Variants in HEPH observed in about 807,000 individuals in gnomAD.
The protein encoded by HEPH is hephaestin.
Under a neutral mutation model 80.8 loss-of-function variants are expected in HEPH, and 69 were observed. That is an observed-to-expected ratio of 0.85 (90% confidence interval 0.70 to 1.04). The LOEUF (loss-of-function observed/expected upper bound fraction) is 1.04, where lower values mean the gene tolerates loss of function less well. HEPH is among the 50% of genes least tolerant of loss of function. The pLI is 0.00. For synonymous variants in HEPH, 431 were observed against 322.8 expected (o/e 1.34, Z -3.60); for missense variants, 1,115 against 891.3 (o/e 1.25, Z -3.20).
chrX:66,246,670 A>G (rs1276544761), intron 15 of HEPH, among the ~76,000 whole-genome samples: 1 of 110,938 alleles, frequency 9.0e-6, no homozygotes, highest in African/African-American at 3.3e-5. Flanking sequence ...ATCCCAGAAG[A>G]TTCTCACTTA....
At chrX:66,261,649 G>A (rs1602575837) in intron 19 of HEPH, among the ~76,000 whole-genome samples, 2 of 110,440 alleles carry the variant, frequency 1.8e-5, no homozygotes, top group African/African-American at 6.6e-5. Context: ...ATAGTGAAGG[G>A]GAAAATGTCT....
At chrX:66,206,992 G>A (rs2088814938) in intron 13 of HEPH, among the ~76,000 whole-genome samples, 1 of 108,907 alleles carries the variant, frequency 9.2e-6, no homozygotes, top group African/African-American at 3.3e-5. Flanking sequence ...ACTCCAGCCT[G>A]GGCAACAAGA....
At chrX:66,222,338 C>G (rs2089688172) in intron 15 of HEPH, among the ~76,000 whole-genome samples, 1 of 112,181 alleles carries the variant, frequency 8.9e-6, no homozygotes, top group Admixed American at 9.4e-5. Flanking sequence ...ACCATGCAGC[C>G]CACACCTGGT....
chrX:66,212,121 G>A (rs1484499866), intron 15 of HEPH, among the ~76,000 whole-genome samples: 2 of 107,735 alleles, frequency 1.9e-5, no homozygotes, highest in Non-Finnish European at 3.8e-5. Flanking sequence ...TCATATACCT[G>A]TTGGCCATTT....
intron 15 of HEPH, among the ~76,000 whole-genome samples, chrX:66,250,060 G>A (rs753890629): frequency 6.3e-5 from 7 of 111,335 alleles, no homozygotes; most frequent in African/African-American, 2.0e-4. Context: ...ATTAAAAAAG[G>A]TAGAGGAGAG....
At chrX:66,265,835 G>A (rs2091521135) in intron 20 of HEPH, among the ~76,000 whole-genome samples, 1 of 111,602 alleles carries the variant, frequency 9.0e-6, no homozygotes, top group Admixed American at 9.5e-5. Flanking sequence ...CTGAGAGTTG[G>A]AATGTCTGGT....
At chrX:66,190,571 C>T (rs918674358) in intron 6 of HEPH, among the ~76,000 whole-genome samples, 2 of 111,761 alleles carry the variant, frequency 1.8e-5, no homozygotes, top group South Asian at 7.6e-4. Flanking sequence ...AGACAGGTGT[C>T]TTTCCATTTC....
chrX:66,198,751 G>A (rs2088251692), intron 10 of HEPH, 127 bp from the exon 11 acceptor site: 1 of 511,862 alleles, frequency 2.0e-6, no homozygotes, highest in African/African-American at 2.3e-5. Context: ...CTGGATAGGA[G>A]GTATGGTCTC....
chrX:66,257,794 T>C, intron 17 of HEPH, among the ~76,000 whole-genome samples: 1 of 111,912 alleles, frequency 8.9e-6, no homozygotes, highest in Middle Eastern at 4.6e-3. Flanking sequence ...AGACAGATTA[T>C]AAATGATTGC....
intron 20 of HEPH, among the ~76,000 whole-genome samples, chrX:66,264,150 C>T (rs1175006349): frequency 9.2e-6 from 1 of 109,039 alleles, no homozygotes; most frequent in African/African-American, 3.3e-5. Flanking sequence ...TTAAGTACAA[C>T]GTACACTACT....
chrX:66,250,025 A>G (rs749039736), intron 15 of HEPH, among the ~76,000 whole-genome samples: 3 of 111,285 alleles, frequency 2.7e-5, no homozygotes, highest in Non-Finnish European at 5.7e-5. Context: ...CAGATAGGGA[A>G]AAGAATGGAG....
intron 15 of HEPH, among the ~76,000 whole-genome samples, chrX:66,231,402 C>G (rs1451002779): frequency 1.1e-4 from 11 of 102,072 alleles, no homozygotes; most frequent in African/African-American, 3.6e-4. Flanking sequence ...ATTCTTCCTA[C>G]CCATGAGCAT....
intron 15 of HEPH, among the ~76,000 whole-genome samples, chrX:66,214,214 G>C (rs979164356): frequency 8.9e-6 from 1 of 112,088 alleles, no homozygotes; most frequent in East Asian, 2.8e-4. Flanking sequence ...ACAGTAAATA[G>C]TGACCAAGGT....
At chrX:66,233,609 C>T (rs2090243185) in intron 15 of HEPH, among the ~76,000 whole-genome samples, 1 of 110,358 alleles carries the variant, frequency 9.1e-6, no homozygotes, top group Admixed American at 9.8e-5. Context: ...AAACCATTAA[C>T]ATAAAAAAAT....
intron 13 of HEPH, among the ~76,000 whole-genome samples, chrX:66,206,337 A>ATTTTTT (rs2088771364): frequency 8.7e-5 from 2 of 22,892 alleles, no homozygotes; most frequent in Non-Finnish European, 2.5e-4. Flanking sequence ...GAAACCTGCC[A>ATTTTTT]TCTTTTTTTT....
intron 2 of HEPH, 119 bp downstream of exon 2, chrX:66,170,856 G>A (rs1164624801): frequency 1.7e-5 from 10 of 579,147 alleles, no homozygotes; most frequent in Non-Finnish European, 2.5e-5. Context: ...TGATTGCTCC[G>A]AGCTGTACAT....
At chrX:66,171,861 C>T (rs183238596) in intron 2 of HEPH, among the ~76,000 whole-genome samples, 7 of 111,701 alleles carry the variant, frequency 6.3e-5, no homozygotes, top group Non-Finnish European at 9.4e-5. Context: ...ATTTCCATTC[C>T]ATTTTACAGA....
chrX:66,195,344 G>A (rs2088027337), intron 9 of HEPH, 115 bp downstream of exon 9: 2 of 542,980 alleles, frequency 3.7e-6, no homozygotes, highest in Non-Finnish European at 5.1e-6. Context: ...TGCCATATGT[G>A]GATGTTGTTG....
intron 15 of HEPH, among the ~76,000 whole-genome samples, chrX:66,233,588 A>G (rs774026280): frequency 9.0e-6 from 1 of 110,879 alleles, no homozygotes; most frequent in East Asian, 2.8e-4. Flanking sequence ...CACTGCCAAC[A>G]TTAAACATTA....
Sources: allele counts gnomAD v4.1 joint callset (sites outside exome capture counted in the v4.1 genomes callset), GRCh38; gene constraint gnomAD v4.1.1; transcripts MANE v1.5; gene names NCBI Gene and HGNC (gene_info 2026-07-23, HGNC 2026-07-21).